AHI1: variants seen among roughly 807,000 people sequenced by gnomAD.
AHI1 encodes the protein Abelson helper integration site 1.
In AHI1, 123 loss-of-function variants were observed where a neutral mutation model predicts 149.3. The ratio of observed to expected loss-of-function variants is 0.82; its 90% confidence interval spans 0.71 to 0.96. AHI1 has a LOEUF of 0.96. Among genes scored for constraint, AHI1 ranks in the 40% least tolerant of loss-of-function variants. The pLI, the probability that AHI1 is intolerant of heterozygous loss-of-function variation, is 0.00. For synonymous variants in AHI1, 475 were observed against 459.8 expected, an observed-to-expected ratio of 1.03 and a Z score of -0.42; for missense variants, 1,439 against 1,422.7, an observed-to-expected ratio of 1.01 and a Z score of -0.18.
chr6:135,385,182 G>A (rs894300558), intron 23 of AHI1, among the ~76,000 whole-genome samples: 3 of 152,174 alleles, frequency 2.0e-5, no homozygotes, highest in African/African-American at 7.2e-5. Flanking sequence ...ATGATGGATT[G>A]TGTACATCTA....
chr6:135,352,728 C>T lies in AHI1; in HGVS notation c.3165+5404G>A, dbSNP rs192978227. Among the ~76,000 whole-genome samples the T allele has an allele frequency of 9.1e-4, 136 of 149,562 alleles. 2 individuals are homozygous for T. Among genetic ancestry groups the T allele is most frequent in the African/African-American group, 2.9e-3 (120 of 40,752 alleles). Reference sequence around the variant, plus strand: ...ATATATATATACACACACACACACACACACACACAATATATATACACACAC... The same window carrying T: ...ATATATATATACACACACACACACATACACACACAATATATATACACACAC... On this transcript the variant is annotated intron_variant, in intron 24 of 28. Coordinates refer to ENST00000265602, the MANE Select transcript of AHI1 (RefSeq NM_001134831.2).
At chr6:135,393,929 T>A (rs1778868386) in intron 23 of AHI1, among the ~76,000 whole-genome samples, 1 of 152,044 alleles carries the variant, frequency 6.6e-6, no homozygotes, top group African/African-American at 2.4e-5. Flanking sequence ...AAGCATTTTC[T>A]CACTATAACA....
chr6:135,494,031 A>G (rs1278106561), intron 3 of AHI1, among the ~76,000 whole-genome samples: 1 of 152,188 alleles, frequency 6.6e-6, no homozygotes, highest in Non-Finnish European at 1.5e-5. Flanking sequence ...GAGTGAGGTA[A>G]TATTTTAGAA....
At chr6:135,440,528 G>C (rs192404622) in intron 14 of AHI1, among the ~76,000 whole-genome samples, 11 of 152,256 alleles carry the variant, frequency 7.2e-5, no homozygotes, top group Admixed American at 1.3e-4. Context: ...AGACCTGACA[G>C]GCTTTACTTC....
At chr6:135,312,480 C>T (rs1409476348) in intron 26 of AHI1, among the ~76,000 whole-genome samples, 1 of 152,126 alleles carries the variant, frequency 6.6e-6, no homozygotes, top group African/African-American at 2.4e-5. Flanking sequence ...CACCACTGTA[C>T]TTCAGCTTGG....
chr6:135,478,171 C>T (rs190629055), intron 5 of AHI1, among the ~76,000 whole-genome samples: 3 of 152,154 alleles, frequency 2.0e-5, no homozygotes, highest in Middle Eastern at 3.4e-3. Context: ...TGGGGCATTG[C>T]TATAAAGATA....
chr6:135,293,961 G>A (rs1782732072), intron 27 of AHI1, among the ~76,000 whole-genome samples: 1 of 152,184 alleles, frequency 6.6e-6, no homozygotes, highest in Non-Finnish European at 1.5e-5. Flanking sequence ...AATATTACCT[G>A]ATTTCAAGAC....
At position 135,447,123 on chromosome 6, in the gene AHI1, T is replaced by C; in HGVS notation, c.1664A>G (p.Glu555Gly). Residue 555 changes from glutamate (E) to glycine (G), a missense_variant, in exon 13 of 29, where the codon GAG (glutamate) becomes GGG (glycine). Coordinates refer to ENST00000265602, the MANE Select transcript of AHI1 (RefSeq NM_001134831.2). ...ACAATGCACTGGTTTACCTTTTTCC[T>C]CCTGAAGAGCCATCATAGAGCGGTA... ...PSYRSMMALQ[E>G]EKGKPVHCER... 2 of 1,607,418 alleles carry C rather than the reference T, an allele frequency of 1.2e-6. No individual in the cohort carries two copies. The highest frequency in any genetic ancestry group is 1.7e-6 in the Non-Finnish European group (2 of 1,176,860).
chr6:135,489,520 A>G (rs1159526049), intron 5 of AHI1, among the ~76,000 whole-genome samples: 1 of 152,010 alleles, frequency 6.6e-6, no homozygotes, highest in African/African-American at 2.4e-5. Context: ...ACTCCATCTG[A>G]GGGGAGCGCA....
intron 5 of AHI1, among the ~76,000 whole-genome samples, chr6:135,469,646 G>A (rs1036478494): frequency 3.3e-5 from 5 of 152,004 alleles, no homozygotes; most frequent in African/African-American, 7.3e-5. Context: ...ACAGAAATAA[G>A]ATCTCAGAAA....
At chr6:135,479,162 G>A (rs1020925496) in intron 5 of AHI1, among the ~76,000 whole-genome samples, 4 of 152,232 alleles carry the variant, frequency 2.6e-5, no homozygotes, top group Non-Finnish European at 5.9e-5. Context: ...AGGGGTTACA[G>A]CCCCCACACA....
chr6:135,318,486 A>G, intron 26 of AHI1, 33 bp downstream of exon 26: 3 of 1,292,874 alleles, frequency 2.3e-6, no homozygotes, highest in Non-Finnish European at 3.3e-6. Context: ...AAATCAAAGT[A>G]CATATGTAAT....
chr6:135,309,481 T>C (rs957567171), intron 26 of AHI1, among the ~76,000 whole-genome samples: 5 of 151,276 alleles, frequency 3.3e-5, no homozygotes, highest in African/African-American at 9.8e-5. Context: ...ATAAGCACTT[T>C]AGTTTTTTTT....
intron 23 of AHI1, among the ~76,000 whole-genome samples, chr6:135,372,947 A>G (rs1163720814): frequency 6.6e-6 from 1 of 152,194 alleles, no homozygotes; most frequent in African/African-American, 2.4e-5. Context: ...TAAAATACAG[A>G]AGGTCTTCAA....
chr6:135,453,028 C>T (rs1259980634), intron 11 of AHI1, among the ~76,000 whole-genome samples: 1 of 152,092 alleles, frequency 6.6e-6, no homozygotes, highest in Non-Finnish European at 1.5e-5. Context: ...TCATCTTTGT[C>T]CACTGACAAC....
chr6:135,302,891 G>T, intron 26 of AHI1: 1 of 1,035,786 alleles, frequency 9.7e-7, no homozygotes, highest in Non-Finnish European at 1.3e-6. Context: ...CAACGCCAAA[G>T]AACATGACTG....
At chr6:135,351,073 T>C (rs17707754) in intron 24 of AHI1, among the ~76,000 whole-genome samples, 7,642 of 151,774 alleles carry the variant, frequency 0.05, 265 homozygotes, top group Middle Eastern at 0.11. Flanking sequence ...AACTTCTGCA[T>C]TGATTTCAGG....
intron 22 of AHI1, 63 bp from the exon 23 acceptor site, chr6:135,394,959 G>GGGCTT: frequency 6.6e-7 from 1 of 1,515,022 alleles, no homozygotes; most frequent in Non-Finnish European, 9.0e-7. Context: ...TGCAAAAACT[G>GGGCTT]GATGAGAAAT....
intron 24 of AHI1, among the ~76,000 whole-genome samples, chr6:135,337,950 A>G (rs1442508781): frequency 2.0e-5 from 3 of 152,140 alleles, no homozygotes; most frequent in African/African-American, 7.2e-5. Context: ...CATTTGGTTT[A>G]TGGGGAAGAA....
Sources: gnomAD v4.1 joint callset for allele counts (sites outside exome capture counted in the v4.1 genomes callset) on GRCh38, gnomAD v4.1.1 for gene constraint, MANE v1.5 for transcripts, NCBI Gene and HGNC (gene_info 2026-07-23, HGNC 2026-07-21) for gene names.